RIMBP2: variants seen among roughly 807,000 people sequenced by gnomAD.
RIMBP2 encodes RIMS binding protein 2.
RIMBP2 carries 48 observed loss-of-function variants against 118.6 expected under a neutral mutation model. That is an observed-to-expected ratio of 0.40 (90% confidence interval 0.32 to 0.51). The LOEUF (loss-of-function observed/expected upper bound fraction) is 0.51. Ranked by LOEUF, RIMBP2 falls within the 20% of genes least tolerant of loss-of-function variation. The pLI is 0.41. For missense variants in RIMBP2, 1,551 were observed against 1,768.3 expected, an observed-to-expected ratio of 0.88 and a Z score of 2.20; for synonymous variants, 762 against 742.9, an observed-to-expected ratio of 1.03 and a Z score of -0.42.
At chr12:130,586,866 G>T (rs1391453331) in intron 2 of RIMBP2, among the ~76,000 whole-genome samples, 19 of 91,092 alleles carry the variant, frequency 2.1e-4, no homozygotes, top group African/African-American at 8.3e-4. Context: ...CACAGCAAAA[G>T]AAACTACCAT....
At chr12:130,456,109 T>C (rs1396856183) in intron 7 of RIMBP2, among the ~76,000 whole-genome samples, 1 of 152,188 alleles carries the variant, frequency 6.6e-6, no homozygotes, top group Non-Finnish European at 1.5e-5. Flanking sequence ...TCACAGAGCT[T>C]TGGAGTACCC....
intron 15 of RIMBP2, chr12:130,425,538 C>A (rs555194411): frequency 6.6e-6 from 1 of 152,664 alleles, no homozygotes; most frequent in East Asian, 1.9e-4. Context: ...TGCATCAAGT[C>A]CCTGAGAGCC....
At chr12:130,533,911 A>G (rs1280957325) in intron 2 of RIMBP2, among the ~76,000 whole-genome samples, 1 of 152,108 alleles carries the variant, frequency 6.6e-6, no homozygotes. Flanking sequence ...CATGCCTGTA[A>G]TCCCAGCACT....
At chr12:130,651,534 C>G (rs2136275826) in intron 1 of RIMBP2, 1 of 152,372 alleles carries the variant, frequency 6.6e-6, no homozygotes, top group Middle Eastern at 3.4e-3. Context: ...GCCCTGGAGC[C>G]TGCCCACGGC....
Position 130,422,999 on chromosome 12 carries a change from C to A in RIMBP2, c.3130-438G>T, listed in dbSNP as rs372288297. Among the ~76,000 whole-genome samples the A allele has an allele frequency of 6.6e-6, 1 of 152,178 alleles. No homozygotes were observed. The highest frequency in any genetic ancestry group is 1.9e-4 in the East Asian group (1 of 5,172). On this transcript the variant is annotated intron_variant, in intron 16 of 22. Transcript: ENST00000690449. The surrounding 1 kb of genome is among the most constrained non-coding windows in gnomAD (Gnocchi z 5.2). ...CCTCCTGTCCTGCTTGGATAAAAGT[C>A]GTATGTGAGGTTTCAAAAAACTGAA... is the stretch of plus-strand genomic sequence containing the variant.
chr12:130,409,950 T>C (rs2075568156), intron 19 of RIMBP2, among the ~76,000 whole-genome samples: 1 of 152,242 alleles, frequency 6.6e-6, no homozygotes, highest in South Asian at 2.1e-4. Flanking sequence ...AGTGCACATA[T>C]AACTTTACAA....
chr12:130,611,122 G>A (rs977324395), intron 2 of RIMBP2, among the ~76,000 whole-genome samples: 13 of 152,294 alleles, frequency 8.5e-5, no homozygotes, highest in African/African-American at 1.4e-4. Flanking sequence ...CGCCCAAAGC[G>A]GGCAGAGCCT....
chr12:130,458,568 C>G (rs539000041), intron 6 of RIMBP2, among the ~76,000 whole-genome samples: 32 of 152,298 alleles, frequency 2.1e-4, no homozygotes, highest in African/African-American at 7.2e-4. Flanking sequence ...GGCCGGACCC[C>G]GGAAGGCCCT....
Position 130,610,055 on chromosome 12 carries a change from C to T in RIMBP2, c.-217+18267G>A, listed in dbSNP as rs144724795. Among the ~76,000 whole-genome samples the T allele has an allele frequency of 3.4e-3, 512 of 152,340 alleles. 2 individuals are homozygous for T. The highest frequency in any genetic ancestry group is 0.012 in the African/African-American group (483 of 41,582). ...AGTGTGTGGCCAGTTCTCTGGGCAT[C>T]CCTCAACCTAGTTAAGTTGGCACAA... is the stretch of plus-strand genomic sequence containing the variant. On this transcript the variant is annotated intron_variant, in intron 2 of 22. Transcript: ENST00000690449.
At chr12:130,591,433 T>A (rs1436185833) in intron 2 of RIMBP2, among the ~76,000 whole-genome samples, 2 of 152,268 alleles carry the variant, frequency 1.3e-5, no homozygotes, top group East Asian at 3.9e-4. Context: ...CCAGGGAATA[T>A]CATGCTGTTT....
At chr12:130,461,793 A>T (rs2080019193) in intron 6 of RIMBP2, among the ~76,000 whole-genome samples, 1 of 152,056 alleles carries the variant, frequency 6.6e-6, no homozygotes, top group Admixed American at 6.5e-5. Flanking sequence ...CATGATTGTA[A>T]GTTTCCCAAG....
chr12:130,407,689 GT>G, intron 20 of RIMBP2, 36 bp downstream of exon 20: 1 of 1,506,758 alleles, frequency 6.6e-7, no homozygotes, highest in Non-Finnish European at 9.2e-7. Context: ...GAAGGGTGTG[GT>G]TGTGTCCGTC....
chr12:130,557,484 T>C (rs1486941227), intron 2 of RIMBP2, among the ~76,000 whole-genome samples: 2 of 152,160 alleles, frequency 1.3e-5, no homozygotes, highest in East Asian at 3.9e-4. Flanking sequence ...TGAGCTGGGA[T>C]GTGGAACACC....
At chr12:130,666,114 G>A (rs2063904691) in intron 1 of RIMBP2, among the ~76,000 whole-genome samples, 1 of 152,120 alleles carries the variant, frequency 6.6e-6, no homozygotes, top group Admixed American at 6.5e-5. Context: ...TTTTTGGTAA[G>A]TGTGAAATTA....
At position 130,688,337 on chromosome 12, in the gene RIMBP2, C is replaced by A. The variant is rs1054796963; in HGVS notation, c.-352+27885G>T. On this transcript the variant is annotated intron_variant, in intron 1 of 22. Transcript: ENST00000690449. The surrounding 1 kb of genome is among the most constrained non-coding windows in gnomAD (Gnocchi z 4.7). ...TTTCTAGCCTCACTAGCCTCCCAAGCTTGCTCCCGGTCTCAGGGAGCCACA... is the reference window on the plus strand; with the variant it reads ...TTTCTAGCCTCACTAGCCTCCCAAGATTGCTCCCGGTCTCAGGGAGCCACA... 1.1e-4 allele frequency among the ~76,000 whole-genome samples: 16 copies of A among 152,192 alleles called. No individual in the cohort carries two copies. Among genetic ancestry groups the A allele is most frequent in the Non-Finnish European group, 1.5e-4 (10 of 68,034 alleles).
intron 19 of RIMBP2, among the ~76,000 whole-genome samples, chr12:130,408,434 A>G (rs901820422): frequency 6.6e-6 from 1 of 152,206 alleles, no homozygotes; most frequent in Non-Finnish European, 1.5e-5. Context: ...GCCGTAGAGA[A>G]GATCCCAGCT....
chr12:130,498,311 C>A lies in RIMBP2; in HGVS notation c.-4+8337G>T, dbSNP rs117342024. 7.8e-3 allele frequency among the ~76,000 whole-genome samples: 1,191 copies of A among 152,376 alleles called. 39 individuals carry two copies. The highest frequency in any genetic ancestry group is 0.066 in the Admixed American group (1,018 of 15,310). ...AGCGAGGCAATCTGTCAACCCCTCA[C>A]TCATTCATGCGTGCACTTGCTCCGT... On this transcript the variant is annotated intron_variant, in intron 4 of 22. Coordinates refer to ENST00000690449, the MANE Select transcript of RIMBP2 (RefSeq NM_001393629.1).
chr12:130,707,087 C>A (rs150644663), intron 1 of RIMBP2, among the ~76,000 whole-genome samples: 1 of 152,190 alleles, frequency 6.6e-6, no homozygotes, highest in Non-Finnish European at 1.5e-5. Context: ...GAGCAGGGCC[C>A]GGGCGTGAGA....
intron 10 of RIMBP2, among the ~76,000 whole-genome samples, chr12:130,443,658 A>C (rs1392724749): frequency 6.6e-6 from 1 of 152,230 alleles, no homozygotes; most frequent in Non-Finnish European, 1.5e-5. Flanking sequence ...ATTCCGTTCC[A>C]AACCTCCACC....
Sources: gnomAD v4.1 joint callset for allele counts (sites outside exome capture counted in the v4.1 genomes callset) on GRCh38, gnomAD v4.1.1 for gene constraint, Gnocchi (gnomAD v3.1) non-coding constraint, MANE v1.5 for transcripts, NCBI Gene and HGNC (gene_info 2026-07-23, HGNC 2026-07-21) for gene names.